Variants in SLC4A5 observed in about 807,000 individuals in gnomAD.
SLC4A5 encodes solute carrier family 4 member 5.
In SLC4A5, 96 loss-of-function variants were observed where a neutral mutation model predicts 120.4. The observed-to-expected ratio is 0.80, with a 90% CI of 0.68 to 0.94. The LOEUF (loss-of-function observed/expected upper bound fraction) is 0.94. Ranked by LOEUF, SLC4A5 falls within the 40% of genes least tolerant of loss-of-function variation. SLC4A5 has a pLI of 0.00. For synonymous variants in SLC4A5, 550 were observed against 571.1 expected, an observed-to-expected ratio of 0.96 and a Z score of 0.53; for missense variants, 1,259 against 1,459.5, an observed-to-expected ratio of 0.86 and a Z score of 2.24.
At chr2:74,232,710 C>A in intron 23 of SLC4A5, 63 bp from the exon 24 acceptor site, 1 of 1,575,602 alleles carries the variant, frequency 6.3e-7, no homozygotes, top group Non-Finnish European at 8.6e-7. Context: ...TGGATGCAAC[C>A]ATTCTGTGGA....
rs12621729 is a variant in SLC4A5, at chr2:74,255,421, G to T, written c.1025+354C>A. Among the ~76,000 whole-genome samples, 22,123 of 151,844 alleles carry T rather than the reference G, an allele frequency of 0.15. 3,245 individuals carry two copies. The highest frequency in any genetic ancestry group is 0.37 in the East Asian group (1,929 of 5,146). The stretch of plus-strand genomic sequence containing the variant: ...GATTCTCCTGCCTCAGCCTCCCGAG[G>T]AGCTGGGATTACAGGCGCGTACCAC... On this transcript the variant is annotated intron_variant, in intron 13 of 30. Coordinates refer to ENST00000394019, the Ensembl canonical transcript of SLC4A5. The surrounding 1 kb of genome is among the most constrained non-coding windows in gnomAD (Gnocchi z 4.0).
At chr2:74,285,636 A>G in intron 8 of SLC4A5, 137 bp downstream of exon 8, 1 of 976,998 alleles carries the variant, frequency 1.0e-6, no homozygotes, top group Non-Finnish European at 1.5e-6. Context: ...TCTGGACACC[A>G]AGGAAGGCAG....
intron 9 of SLC4A5, 96 bp from the exon 10 acceptor site, chr2:74,264,395 T>A: frequency 1.4e-6 from 2 of 1,407,828 alleles, no homozygotes; most frequent in Non-Finnish European, 1.9e-6. Context: ...GGATTAAATG[T>A]GGCAGAGGGG....
intron 30 of SLC4A5, among the ~76,000 whole-genome samples, chr2:74,219,318 C>T (rs1383313466): frequency 6.6e-6 from 1 of 151,948 alleles, no homozygotes; most frequent in Non-Finnish European, 1.5e-5. Context: ...ATTCCAGTTT[C>T]CCTTTCTTAG....
intron 11 of SLC4A5, among the ~76,000 whole-genome samples, 189 bp from the exon 12 acceptor site, chr2:74,259,832 A>C (rs1671080064): frequency 6.6e-6 from 1 of 152,106 alleles, no homozygotes; most frequent in Non-Finnish European, 1.5e-5. Flanking sequence ...TTCCTGAAAG[A>C]GGTGTTAGAC....
At position 74,261,067 on chromosome 2, in the gene SLC4A5, C is replaced by T. The variant is rs1444072461; in HGVS notation, c.811+1070G>A. 2.0e-5 allele frequency among the ~76,000 whole-genome samples: 3 copies of T among 152,336 alleles called. No individual in the cohort carries two copies. The East Asian group carries it at 5.8e-4, about 29-fold the overall frequency. On this transcript the variant is annotated intron_variant, in intron 11 of 30. Coordinates refer to ENST00000394019, the Ensembl canonical transcript of SLC4A5. Reference sequence around the variant, plus strand: ...ATGCTCCAAGACTCAGTCAGTGTCTCCTCCTCTCTGATCCTTCCCCTGTGC... The same window carrying T: ...ATGCTCCAAGACTCAGTCAGTGTCTTCTCCTCTCTGATCCTTCCCCTGTGC...
At chr2:74,252,994 C>G (rs779808304) in exon 15 of SLC4A5, 3 of 1,614,182 alleles carry the variant, frequency 1.9e-6, no homozygotes, top group East Asian at 4.5e-5. Context: ...CAGAGGGCAC[C>G]TTCTTGGGGG....
intron 8 of SLC4A5, among the ~76,000 whole-genome samples, chr2:74,274,487 T>C (rs1476624007): frequency 1.3e-5 from 2 of 152,142 alleles, no homozygotes; most frequent in African/African-American, 4.8e-5. Context: ...GGCAGTAAAT[T>C]TGAAAGATTA....
chr2:74,247,779 T>C (rs1184069249), intron 18 of SLC4A5, among the ~76,000 whole-genome samples: 1 of 152,102 alleles, frequency 6.6e-6, no homozygotes, highest in East Asian at 1.9e-4. Context: ...CCTCCCAAAG[T>C]GCTGGGATTG....
chr2:74,221,872 C>T (rs940557429), intron 29 of SLC4A5, among the ~76,000 whole-genome samples: 4 of 152,126 alleles, frequency 2.6e-5, no homozygotes, highest in South Asian at 2.1e-4. Context: ...GCACGGGGCT[C>T]GGGACTAAGG....
intron 6 of SLC4A5, among the ~76,000 whole-genome samples, chr2:74,309,518 C>T (rs1378532356): frequency 1.3e-5 from 2 of 152,052 alleles, no homozygotes; most frequent in Non-Finnish European, 2.9e-5. Flanking sequence ...TTTTGCCTTA[C>T]CATATACACT....
rs190722791 is a variant in SLC4A5 at position 74,303,252 on chromosome 2, A to G, written c.271+1237T>C. ...AAAAGCCACAGGCCCTGGTCAACCT[A>G]ATGCCAATGATGGGGGTTGTAGAGG... On this transcript the variant is annotated intron_variant, in intron 7 of 30. Transcript: ENST00000394019. Among the ~76,000 whole-genome samples the G allele has an allele frequency of 1.1e-4, 17 of 152,180 alleles. 1 individual carries two copies. Among genetic ancestry groups the G allele is most frequent in the Admixed American group, 9.8e-4 (15 of 15,254 alleles).
chr2:74,260,671 C>T (rs970860488), intron 11 of SLC4A5, among the ~76,000 whole-genome samples: 10 of 152,046 alleles, frequency 6.6e-5, no homozygotes, highest in South Asian at 4.1e-4. Flanking sequence ...TCCTACTTCC[C>T]ACCAGTACTT....
intron 19 of SLC4A5, among the ~76,000 whole-genome samples, chr2:74,243,177 A>C (rs1670500602): frequency 6.6e-6 from 1 of 152,112 alleles, no homozygotes; most frequent in Admixed American, 6.5e-5. Flanking sequence ...GGATCACATG[A>C]CGGTCTACAG....
exon 23 of SLC4A5, chr2:74,233,488 G>C (rs1486056896): frequency 1.9e-6 from 3 of 1,614,216 alleles, no homozygotes; most frequent in Middle Eastern, 1.7e-4. Flanking sequence ...AGGGCGGGCA[G>C]GATGCTTGCT....
At position 74,253,134 on chromosome 2, in the gene SLC4A5, G is replaced by C. The variant is rs1021063801; in HGVS notation, c.1114-6C>G. On this transcript the variant is annotated splice_region_variant and splice_polypyrimidine_tract_variant and intron_variant, in intron 14 of 30. Coordinates refer to ENST00000394019, the Ensembl canonical transcript of SLC4A5. ...TAGGCCACGTCACTGAAGAGCTGGC[G>C]AGGAGAGAGGAGGGAGAAAAGAAAG... is the stretch of plus-strand genomic sequence containing the variant. The C allele has an allele frequency of 1.2e-6, 2 of 1,613,820 alleles. No individual in the cohort carries two copies. The highest frequency in any genetic ancestry group is 1.1e-5 in the South Asian group (1 of 91,046).
At chr2:74,278,887 T>C (rs1671724913) in intron 8 of SLC4A5, among the ~76,000 whole-genome samples, 1 of 152,240 alleles carries the variant, frequency 6.6e-6, no homozygotes, top group African/African-American at 2.4e-5. Context: ...AGCCTGCAGC[T>C]GCTTACCTGG....
At chr2:74,330,450 G>A (rs984334887) in intron 4 of SLC4A5, among the ~76,000 whole-genome samples, 9 of 150,016 alleles carry the variant, frequency 6.0e-5, no homozygotes, top group Non-Finnish European at 1.2e-4. Flanking sequence ...GTGTGGTTTA[G>A]GTGTAGGTGG....
chr2:74,318,288 G>A (rs1258829511), intron 5 of SLC4A5, among the ~76,000 whole-genome samples: 1 of 152,054 alleles, frequency 6.6e-6, no homozygotes, highest in East Asian at 1.9e-4. Context: ...ACACATAAAT[G>A]GCCAACAAAC....
Sources: allele counts gnomAD v4.1 joint callset (sites outside exome capture counted in the v4.1 genomes callset), GRCh38; gene constraint gnomAD v4.1.1; non-coding constraint Gnocchi (gnomAD v3.1); transcripts MANE v1.5; gene names NCBI Gene and HGNC (gene_info 2026-07-23, HGNC 2026-07-21).